The following ANKAR variants were observed in gnomAD, a reference collection of about 807,000 sequenced individuals.
The protein encoded by ANKAR is ankyrin and armadillo repeat-containing protein.
ANKAR carries 136 observed loss-of-function variants against 146.2 expected under a neutral mutation model. That is an observed-to-expected ratio of 0.93 (90% CI 0.81 to 1.07). The LOEUF (loss-of-function observed/expected upper bound fraction) is 1.07, where lower values mean the gene tolerates loss of function less well. Ranked by LOEUF, ANKAR falls within the 50% of genes least tolerant of loss-of-function variation. The pLI is 0.00. For missense variants in ANKAR, 1,567 were observed against 1,679.9 expected, an observed-to-expected ratio of 0.93 and a Z score of 1.18; for synonymous variants, 500 against 575.8, an observed-to-expected ratio of 0.87 and a Z score of 1.88.
At chr2:189,702,520 G>A (rs567044650) in intron 7 of ANKAR, among the ~76,000 whole-genome samples, 21 of 152,060 alleles carry the variant, frequency 1.4e-4, no homozygotes, top group Non-Finnish European at 2.8e-4. Flanking sequence ...GAATCCATTT[G>A]TCTCTCCAAT....
chr2:189,685,956 G>A (rs183902013), intron 2 of ANKAR, among the ~76,000 whole-genome samples: 1 of 152,204 alleles, frequency 6.6e-6, no homozygotes, highest in East Asian at 1.9e-4. Context: ...AAAAATTCTT[G>A]CACCATGGCC....
intron 19 of ANKAR, among the ~76,000 whole-genome samples, chr2:189,740,310 C>T (rs918621952): frequency 1.3e-5 from 2 of 152,136 alleles, no homozygotes; most frequent in Non-Finnish European, 2.9e-5. Flanking sequence ...ATAGAGCTTA[C>T]CTTTAGACAA....
At chr2:189,729,804 G>T in intron 15 of ANKAR, among the ~76,000 whole-genome samples, 1 of 151,108 alleles carries the variant, frequency 6.6e-6, no homozygotes, top group East Asian at 1.9e-4. Flanking sequence ...TCTCTTCATT[G>T]TTCACTGAGA....
intron 12 of ANKAR, among the ~76,000 whole-genome samples, chr2:189,722,988 C>T (rs1046392499): frequency 6.6e-5 from 10 of 152,040 alleles, no homozygotes; most frequent in Middle Eastern, 3.4e-3. Flanking sequence ...AGGAAGATAA[C>T]TTAATTTTGA....
chr2:189,681,513 C>G (rs2034670986), intron 2 of ANKAR, among the ~76,000 whole-genome samples: 1 of 152,182 alleles, frequency 6.6e-6, no homozygotes, highest in Admixed American at 6.5e-5. Flanking sequence ...ACATTCTAAT[C>G]AAGTTGTAGG....
intron 2 of ANKAR, among the ~76,000 whole-genome samples, chr2:189,681,567 C>T (rs1009460241): frequency 5.9e-5 from 9 of 152,212 alleles, no homozygotes; most frequent in South Asian, 4.1e-4. Context: ...CTGCTTTCTA[C>T]ACCTACATTT....
downstream of ANKAR, chr2:189,761,722 A>G (rs922012868): frequency 1.4e-6 from 2 of 1,415,042 alleles, no homozygotes; most frequent in Non-Finnish European, 1.8e-6. Flanking sequence ...CTTATTTTTC[A>G]ATATATAGTT....
intron 7 of ANKAR, among the ~76,000 whole-genome samples, chr2:189,700,548 T>C (rs904260555): frequency 6.6e-6 from 1 of 152,220 alleles, no homozygotes; most frequent in Non-Finnish European, 1.5e-5. Flanking sequence ...TTACATATAA[T>C]CCAGTTATAC....
At chr2:189,760,724 G>A (rs1161914077) in intron 18 of ANKAR, among the ~76,000 whole-genome samples, 1 of 151,930 alleles carries the variant, frequency 6.6e-6, no homozygotes, top group Non-Finnish European at 1.5e-5. Flanking sequence ...TCGAGAGGCG[G>A]AGATTGCAGT....
chr2:189,737,626 A>T, intron 17 of ANKAR, 57 bp from the exon 18 acceptor site: 1 of 1,485,208 alleles, frequency 6.7e-7, no homozygotes, highest in South Asian at 1.3e-5. Context: ...AAAGTCTATT[A>T]TGTTGAGTAA....
At chr2:189,719,268 A>G (rs1360838129) in intron 10 of ANKAR, among the ~76,000 whole-genome samples, 1 of 152,214 alleles carries the variant, frequency 6.6e-6, no homozygotes, top group East Asian at 1.9e-4. Context: ...GAATTTATTT[A>G]TCAATAATCT....
At chr2:189,692,989 A>G in intron 4 of ANKAR, 85 bp from the exon 5 acceptor site, 1 of 689,270 alleles carries the variant, frequency 1.5e-6, no homozygotes. Context: ...TGTCATTTAC[A>G]TGTATACTCT....
intron 4 of ANKAR, 60 bp downstream of exon 4, chr2:189,692,478 A>C: frequency 6.7e-6 from 10 of 1,483,772 alleles, no homozygotes; most frequent in Non-Finnish European, 9.1e-6. Context: ...CCTATTCTCC[A>C]ACCAAAAAGA....
intron 2 of ANKAR, among the ~76,000 whole-genome samples, chr2:189,681,465 A>C (rs1224715466): frequency 6.6e-6 from 1 of 152,244 alleles, no homozygotes. Flanking sequence ...ATTCCCTTGC[A>C]ATGGTGCACC....
intron 9 of ANKAR, among the ~76,000 whole-genome samples, chr2:189,710,029 G>GCT (rs2039477576): frequency 1.3e-5 from 2 of 152,288 alleles, no homozygotes; most frequent in South Asian, 4.1e-4. Context: ...CCCTGCAATA[G>GCT]CTCTCCCTCC....
intron 9 of ANKAR, among the ~76,000 whole-genome samples, chr2:189,707,635 A>C (rs950348392): frequency 2.0e-5 from 3 of 147,720 alleles, no homozygotes; most frequent in African/African-American, 7.5e-5. Flanking sequence ...TTTTTTTCAA[A>C]TTTGCATTCA....
intron 17 of ANKAR, 94 bp from the exon 18 acceptor site, chr2:189,737,589 G>A: frequency 9.0e-7 from 1 of 1,105,856 alleles, no homozygotes; most frequent in Non-Finnish European, 1.3e-6. Flanking sequence ...TGATAAGAAT[G>A]CAATATATTT....
intron 20 of ANKAR, 86 bp downstream of exon 20, chr2:189,741,537 A>T (rs1559145555): frequency 2.3e-6 from 2 of 865,780 alleles, no homozygotes; most frequent in East Asian, 5.6e-5. Context: ...TTTTCCACTG[A>T]TTGACTGTGT....
chr2:189,725,109 T>A (rs1478168035), intron 12 of ANKAR, among the ~76,000 whole-genome samples: 1 of 152,086 alleles, frequency 6.6e-6, no homozygotes, highest in Non-Finnish European at 1.5e-5. Flanking sequence ...AAGAAATGAA[T>A]AAATGTGTTG....
Sources: gnomAD v4.1 joint callset for allele counts (sites outside exome capture counted in the v4.1 genomes callset) on GRCh38, gnomAD v4.1.1 for gene constraint, MANE v1.5 for transcripts, NCBI Gene and HGNC (gene_info 2026-07-23, HGNC 2026-07-21) for gene names.